Variants in DMD observed in about 807,000 individuals in gnomAD.
The protein encoded by DMD is dystrophin.
Under a neutral mutation model 330.1 loss-of-function variants are expected in DMD, and 63 were observed. The observed-to-expected ratio is 0.19, with a 90% confidence interval of 0.16 to 0.24. The LOEUF (loss-of-function observed/expected upper bound fraction) is 0.24, where lower values mean the gene tolerates loss of function less well. Ranked by LOEUF, DMD falls within the 10% of genes least tolerant of loss-of-function variation. DMD has a pLI of 1.00. For missense variants in DMD, 3,344 were observed against 2,684.1 expected (o/e 1.25, Z -5.43); for synonymous variants, 1,223 against 959.8 (o/e 1.27, Z -5.07).
chrX:32,132,993 CTTTTTTT>C lies in DMD; in HGVS notation c.6438+83916_6438+83922del, dbSNP rs377615262. On this transcript the variant is annotated intron_variant, in intron 44 of 78. Transcript: ENST00000357033. ...TCTCATTGATCACTCCTTTTCTTTTCTTTTTTTTTTTTTTTTTTTTTTTTTTTTTTTT... is the reference window on the plus strand; with the variant it reads ...TCTCATTGATCACTCCTTTTCTTTTCTTTTTTTTTTTTTTTTTTTTTTTTT... 6.4e-3 allele frequency among the ~76,000 whole-genome samples: 484 copies of C among 75,912 alleles called. 12 individuals are homozygous for C. Among genetic ancestry groups the C allele is most frequent in the Middle Eastern group, 0.021 (3 of 143 alleles). The allele number at this position is 75,912 out of a possible 115,157, so 65.9% of individuals were successfully genotyped here. A position where few individuals can be genotyped will look rare whatever the true frequency, so the allele number is the denominator to read the frequency against.
chrX:31,198,149 G>T (rs1298123609), intron 67 of DMD, among the ~76,000 whole-genome samples: 2 of 110,935 alleles, frequency 1.8e-5, no homozygotes, highest in Non-Finnish European at 3.8e-5. Context: ...CAAAAATACA[G>T]TAAGAAGAAA....
At chrX:33,304,000 T>G (rs1475771102) in intron 1 of DMD, among the ~76,000 whole-genome samples, 1 of 111,721 alleles carries the variant, frequency 9.0e-6, no homozygotes, top group Non-Finnish European at 1.9e-5. Flanking sequence ...TCAGTGAATC[T>G]TCTGAAGTTA....
At chrX:32,389,874 T>C (rs896693808) in intron 31 of DMD, among the ~76,000 whole-genome samples, 197 bp downstream of exon 31, 1 of 112,088 alleles carries the variant, frequency 8.9e-6, no homozygotes, top group African/African-American at 3.2e-5. Flanking sequence ...CTTAATGTTA[T>C]ACTAAATAAA....
intron 1 of DMD, among the ~76,000 whole-genome samples, chrX:33,313,047 C>CT (rs1383815711): frequency 9.0e-6 from 1 of 111,531 alleles, no homozygotes; most frequent in Non-Finnish European, 1.9e-5. Flanking sequence ...CAGAGTGTTC[C>CT]TTTTTTGATC....
At chrX:31,952,452 T>A in intron 45 of DMD, among the ~76,000 whole-genome samples, 1 of 101,866 alleles carries the variant, frequency 9.8e-6, no homozygotes, top group African/African-American at 3.5e-5. Flanking sequence ...TTTACTGATT[T>A]TTTTTTTTTT....
chrX:31,445,216 A>G (rs1867441232), intron 59 of DMD, among the ~76,000 whole-genome samples: 1 of 111,788 alleles, frequency 8.9e-6, no homozygotes, highest in Admixed American at 9.5e-5. Context: ...CTATTCATAC[A>G]TAAACTGATT....
At chrX:32,272,070 G>C in intron 43 of DMD, among the ~76,000 whole-genome samples, 1 of 111,733 alleles carries the variant, frequency 8.9e-6, no homozygotes, top group Non-Finnish European at 1.9e-5. Flanking sequence ...GTGACAAAAG[G>C]TATATAGTAC....
intron 44 of DMD, among the ~76,000 whole-genome samples, chrX:32,078,118 T>G (rs1409107424): frequency 1.8e-5 from 2 of 111,698 alleles, no homozygotes; most frequent in Non-Finnish European, 3.8e-5. Context: ...CTAATAAGCA[T>G]CCCCAAACTA....
intron 43 of DMD, among the ~76,000 whole-genome samples, chrX:32,266,004 C>T (rs1005553541): frequency 3.6e-5 from 4 of 111,427 alleles, no homozygotes; most frequent in East Asian, 2.8e-4. Flanking sequence ...AATGTGAAGA[C>T]GTGCCATTTG....
At chrX:33,118,461 T>C (rs1052021897) in intron 1 of DMD, among the ~76,000 whole-genome samples, 5 of 111,675 alleles carry the variant, frequency 4.5e-5, no homozygotes, top group Admixed American at 9.6e-5. Context: ...TGAATAGTAA[T>C]TGGTTATTTA....
At chrX:32,989,314 G>C (rs1263491607) in intron 2 of DMD, among the ~76,000 whole-genome samples, 1 of 111,926 alleles carries the variant, frequency 8.9e-6, no homozygotes, top group East Asian at 2.8e-4. Flanking sequence ...TTCTGGTTTT[G>C]TCTGGGAATC....
At chrX:32,888,230 G>T (rs769874965) in intron 2 of DMD, among the ~76,000 whole-genome samples, 1 of 110,154 alleles carries the variant, frequency 9.1e-6, no homozygotes, top group South Asian at 3.9e-4. Context: ...GTGGTTTGCT[G>T]CATCTATCAA....
intron 7 of DMD, among the ~76,000 whole-genome samples, chrX:32,757,499 A>C (rs1396691906): frequency 9.0e-6 from 1 of 111,269 alleles, no homozygotes; most frequent in Admixed American, 9.6e-5. Context: ...CGTAATTCCC[A>C]CCATGTCATG....
intron 7 of DMD, among the ~76,000 whole-genome samples, chrX:32,802,906 C>T (rs1053851061): frequency 8.9e-6 from 1 of 111,842 alleles, no homozygotes; most frequent in African/African-American, 3.3e-5. Context: ...CATTGATGTT[C>T]ATCAGGGATA....
intron 44 of DMD, among the ~76,000 whole-genome samples, chrX:32,031,581 A>G (rs1237227128): frequency 8.9e-6 from 1 of 112,040 alleles, no homozygotes; most frequent in African/African-American, 3.2e-5. Context: ...TGTAGACAGT[A>G]TTTTCTAACT....
chrX:31,716,624 G>A (rs757594627), intron 52 of DMD, among the ~76,000 whole-genome samples: 4 of 110,651 alleles, frequency 3.6e-5, no homozygotes, highest in Non-Finnish European at 5.7e-5. Context: ...TTCTAAAACG[G>A]GCTAAACATT....
intron 44 of DMD, among the ~76,000 whole-genome samples, chrX:32,208,808 A>G (rs1436933905): frequency 2.7e-5 from 3 of 111,488 alleles, no homozygotes; most frequent in African/African-American, 9.8e-5. Flanking sequence ...GGGTTCTGGT[A>G]TTTAACATAT....
chrX:32,482,133 A>G (rs2041960396), intron 21 of DMD, among the ~76,000 whole-genome samples: 1 of 111,892 alleles, frequency 8.9e-6, no homozygotes, highest in South Asian at 3.7e-4. Flanking sequence ...TATATGACCA[A>G]TCTTTTTCCT....
At chrX:32,435,891 G>A (rs2098259330) in intron 29 of DMD, among the ~76,000 whole-genome samples, 2 of 111,475 alleles carry the variant, frequency 1.8e-5, no homozygotes, top group African/African-American at 6.5e-5. Context: ...CAGCTTCCTG[G>A]AGCCCCACCT....
Sources: allele counts gnomAD v4.1 joint callset (sites outside exome capture counted in the v4.1 genomes callset), GRCh38; gene constraint gnomAD v4.1.1; transcripts MANE v1.5; gene names NCBI Gene and HGNC (gene_info 2026-07-23, HGNC 2026-07-21).